Variants in MAD1L1 observed in about 807,000 individuals in gnomAD.
MAD1L1 encodes the protein mitotic spindle assembly checkpoint protein MAD1.
In MAD1L1, 95 loss-of-function variants were observed where a neutral mutation model predicts 96.9. That is an observed-to-expected ratio of 0.98 (90% CI 0.83 to 1.16). The LOEUF (loss-of-function observed/expected upper bound fraction) is 1.16. Ranked by LOEUF, MAD1L1 falls within the 50% of genes most tolerant of loss-of-function variation. The pLI, the probability that MAD1L1 is intolerant of heterozygous loss-of-function variation, is 0.00. For synonymous variants in MAD1L1, 473 were observed against 396.6 expected (o/e 1.19, Z -2.29); for missense variants, 1,007 against 954.4 (o/e 1.06, Z -0.73).
intron 15 of MAD1L1, among the ~76,000 whole-genome samples, chr7:1,967,825 C>T (rs1425758240): frequency 6.6e-6 from 1 of 152,168 alleles, no homozygotes; most frequent in African/African-American, 2.4e-5. Flanking sequence ...ACACAGAGCA[C>T]ACGGCAAACA....
chr7:1,920,171 A>C (rs376007140), intron 17 of MAD1L1, among the ~76,000 whole-genome samples: 1 of 151,796 alleles, frequency 6.6e-6, no homozygotes, highest in African/African-American at 2.4e-5. Flanking sequence ...CTTGCCCCCA[A>C]CCCTGCAGCT....
At chr7:1,969,651 T>A (rs866167713) in intron 15 of MAD1L1, among the ~76,000 whole-genome samples, 1 of 152,138 alleles carries the variant, frequency 6.6e-6, no homozygotes. Context: ...TTCTAGTCAA[T>A]AAACAAAATC....
chr7:2,113,901 C>G (rs1417264566), intron 11 of MAD1L1, among the ~76,000 whole-genome samples: 1 of 152,186 alleles, frequency 6.6e-6, no homozygotes, highest in African/African-American at 2.4e-5. Context: ...GTCACGACGA[C>G]AGGAGAGACC....
intron 12 of MAD1L1, among the ~76,000 whole-genome samples, chr7:2,064,897 G>A (rs1369306218): frequency 4.6e-5 from 7 of 152,298 alleles, no homozygotes; most frequent in African/African-American, 1.4e-4. Flanking sequence ...GAGGACGGTG[G>A]CTGCTCATGG....
At chr7:1,998,126 G>A (rs34021847) in intron 14 of MAD1L1, among the ~76,000 whole-genome samples, 51,471 of 152,080 alleles carry the variant, frequency 0.34, 8,829 homozygotes, top group Middle Eastern at 0.38. Flanking sequence ...CCAGCCCAGC[G>A]CTGCACCAAG....
chr7:1,957,403 C>T (rs961629623), intron 16 of MAD1L1, among the ~76,000 whole-genome samples: 2 of 152,186 alleles, frequency 1.3e-5, no homozygotes, highest in South Asian at 2.1e-4. Flanking sequence ...CGACACCAGG[C>T]GTGTGGGTGG....
At chr7:2,060,350 G>A (rs1469474125) in intron 12 of MAD1L1, among the ~76,000 whole-genome samples, 2 of 151,370 alleles carry the variant, frequency 1.3e-5, no homozygotes, top group African/African-American at 4.9e-5. Flanking sequence ...AAGATGTCGA[G>A]ATATGCTGAT....
chr7:1,821,634 T>C (rs896255414), intron 18 of MAD1L1, among the ~76,000 whole-genome samples: 6 of 152,128 alleles, frequency 3.9e-5, no homozygotes, highest in East Asian at 1.9e-4. Context: ...TAGTTCAAAT[T>C]TGAAAATCAA....
chr7:1,824,210 C>T (rs542843242), intron 18 of MAD1L1, among the ~76,000 whole-genome samples: 2 of 152,166 alleles, frequency 1.3e-5, no homozygotes, highest in African/African-American at 4.8e-5. Context: ...CCGGCCCCAA[C>T]GCCTCCCCTC....
In MAD1L1 at chr7:2,114,555, G is replaced by A. The variant is rs904370868; in HGVS notation, c.1073+34597C>T. Among the ~76,000 whole-genome samples, 2 of 152,268 alleles carry A rather than the reference G, an allele frequency of 1.3e-5. No homozygotes were observed. Among genetic ancestry groups the A allele is most frequent in the East Asian group, 1.9e-4 (1 of 5,200 alleles). ...AGGCCCAAGCCGACGTCACGTGGCAGAAGGATCTTCATGAAGATGAGCATG... is the reference window on the plus strand; with the variant it reads ...AGGCCCAAGCCGACGTCACGTGGCAAAAGGATCTTCATGAAGATGAGCATG... On this transcript the variant is annotated intron_variant, in intron 11 of 18. Coordinates refer to ENST00000265854, the MANE Select transcript of MAD1L1 (RefSeq NM_001013836.2). The surrounding 1 kb of genome is among the most constrained non-coding windows in gnomAD (Gnocchi z 4.2).
chr7:1,919,527 T>A (rs1211273258), intron 17 of MAD1L1, among the ~76,000 whole-genome samples: 2 of 152,244 alleles, frequency 1.3e-5, no homozygotes, highest in South Asian at 2.1e-4. Flanking sequence ...CTTTTGTTTC[T>A]CTACCCACCA....
At chr7:1,974,269 C>T (rs1780532454) in intron 15 of MAD1L1, among the ~76,000 whole-genome samples, 1 of 152,182 alleles carries the variant, frequency 6.6e-6, no homozygotes, top group Admixed American at 6.5e-5. Context: ...CCGGATTCCT[C>T]GGAGAAGCAC....
At chr7:2,120,310 C>G (rs1453353630) in intron 11 of MAD1L1, among the ~76,000 whole-genome samples, 4 of 152,224 alleles carry the variant, frequency 2.6e-5, no homozygotes, top group Admixed American at 6.5e-5. Context: ...TCTGACCCAG[C>G]TCAACACCCG....
At chr7:1,844,779 G>C (rs967441495) in intron 18 of MAD1L1, among the ~76,000 whole-genome samples, 43 of 152,242 alleles carry the variant, frequency 2.8e-4, no homozygotes, top group Admixed American at 2.8e-3. Context: ...CTCCTGCAGG[G>C]GTGGAGGGGC....
chr7:1,824,347 A>G (rs1782280104), intron 18 of MAD1L1, among the ~76,000 whole-genome samples: 1 of 123,702 alleles, frequency 8.1e-6, no homozygotes, highest in Admixed American at 7.8e-5. Context: ...GCACACCGAC[A>G]CACCTCTCTT....
chr7:2,145,979 C>T (rs529420651), intron 11 of MAD1L1, among the ~76,000 whole-genome samples: 3 of 152,186 alleles, frequency 2.0e-5, no homozygotes, highest in Non-Finnish European at 2.9e-5. Flanking sequence ...GTGGGAAGGG[C>T]GCTCTGTTCC....
At chr7:1,915,386 C>T (rs1472297186) in intron 17 of MAD1L1, among the ~76,000 whole-genome samples, 1 of 152,172 alleles carries the variant, frequency 6.6e-6, no homozygotes, top group Non-Finnish European at 1.5e-5. Context: ...AGACCTGGGG[C>T]AGACTTAGGG....
intron 18 of MAD1L1, among the ~76,000 whole-genome samples, chr7:1,864,500 G>C (rs1239387090): frequency 6.6e-6 from 1 of 152,214 alleles, no homozygotes; most frequent in Non-Finnish European, 1.5e-5. Flanking sequence ...AGTCTTTAAA[G>C]GGTGGATTTG....
At chr7:2,095,613 C>T (rs1279273376) in intron 11 of MAD1L1, among the ~76,000 whole-genome samples, 3 of 152,186 alleles carry the variant, frequency 2.0e-5, no homozygotes, top group African/African-American at 7.2e-5. Context: ...CGCAAGGAGG[C>T]GAGGTGGACA....
Sources: gnomAD v4.1 joint callset for allele counts (sites outside exome capture counted in the v4.1 genomes callset) on GRCh38, gnomAD v4.1.1 for gene constraint, Gnocchi (gnomAD v3.1) non-coding constraint, MANE v1.5 for transcripts, NCBI Gene and HGNC (gene_info 2026-07-23, HGNC 2026-07-21) for gene names.